The following APBA1 variants were observed in gnomAD, a reference collection of about 807,000 sequenced individuals.
APBA1 encodes the protein amyloid-beta A4 precursor protein-binding family A member 1.
APBA1 carries 55 observed loss-of-function variants against 86.6 expected under a neutral mutation model. The ratio of observed to expected loss-of-function variants is 0.64; its 90% CI spans 0.51 to 0.80. The LOEUF (loss-of-function observed/expected upper bound fraction) is 0.80, where lower values mean the gene tolerates loss of function less well. APBA1 is among the 30% of genes least tolerant of loss of function. The pLI is 0.00. For synonymous variants in APBA1, 511 were observed against 493.9 expected (o/e 1.03, Z -0.46); for missense variants, 1,090 against 1,183.0 (o/e 0.92, Z 1.15).
At chr9:69,495,015 G>C (rs1835773364) in intron 2 of APBA1, among the ~76,000 whole-genome samples, 1 of 152,126 alleles carries the variant, frequency 6.6e-6, no homozygotes, top group African/African-American at 2.4e-5. Context: ...ACTGCCCAAA[G>C]TGACTCATTT....
At chr9:69,433,322 C>A (rs1386803296) in intron 11 of APBA1, among the ~76,000 whole-genome samples, 1 of 152,262 alleles carries the variant, frequency 6.6e-6, no homozygotes, top group African/African-American at 2.4e-5. Context: ...TTACCTCACA[C>A]ACACTACAAC....
chr9:69,501,080 G>A (rs1835873366), intron 2 of APBA1, among the ~76,000 whole-genome samples: 1 of 151,994 alleles, frequency 6.6e-6, no homozygotes, highest in Non-Finnish European at 1.5e-5. Context: ...CCCACGGGTA[G>A]GGTCTGACCA....
chr9:69,597,432 G>A (rs535532059), intron 1 of APBA1, among the ~76,000 whole-genome samples: 75 of 152,134 alleles, frequency 4.9e-4, no homozygotes, highest in Non-Finnish European at 9.7e-4. Context: ...AGATGGGTAG[G>A]TTGCGAAAAT....
chr9:69,541,922 A>G (rs1045104355), intron 1 of APBA1, among the ~76,000 whole-genome samples: 6 of 152,088 alleles, frequency 3.9e-5, no homozygotes, highest in Non-Finnish European at 8.8e-5. Context: ...GTTTCAATTC[A>G]GCATGTGTTT....
chr9:69,435,330 A>C (rs1426669700), intron 11 of APBA1, among the ~76,000 whole-genome samples: 4 of 152,170 alleles, frequency 2.6e-5, no homozygotes, highest in Non-Finnish European at 5.9e-5. Flanking sequence ...TGGCTGGGTC[A>C]AATGGTATTT....
chr9:69,670,665 T>C (rs1316626611), intron 1 of APBA1, among the ~76,000 whole-genome samples: 1 of 152,130 alleles, frequency 6.6e-6, no homozygotes, highest in Non-Finnish European at 1.5e-5. Flanking sequence ...CACACCTATC[T>C]TTACCACGCA....
intron 1 of APBA1, among the ~76,000 whole-genome samples, chr9:69,619,663 G>T (rs530171213): frequency 1.6e-4 from 25 of 152,250 alleles, no homozygotes; most frequent in East Asian, 5.8e-4. Context: ...CTTGGATTGG[G>T]AAAAACAGAG....
chr9:69,647,857 A>G (rs1166112262), intron 1 of APBA1, among the ~76,000 whole-genome samples: 2 of 152,236 alleles, frequency 1.3e-5, no homozygotes, highest in Non-Finnish European at 2.9e-5. Flanking sequence ...TGAAACTGTG[A>G]TAAGTCCTTT....
intron 2 of APBA1, among the ~76,000 whole-genome samples, chr9:69,505,848 T>C (rs557103978): frequency 2.6e-5 from 4 of 151,506 alleles, no homozygotes; most frequent in African/African-American, 7.3e-5. Flanking sequence ...CAAAACCCCG[T>C]CTCTACTAAA....
At position 69,646,895 on chromosome 9, in the gene APBA1, T is replaced by C. The variant is rs555840145; in HGVS notation, c.-70+25258A>G. On this transcript the variant is annotated intron_variant, in intron 1 of 12. Coordinates refer to ENST00000265381, the MANE Select transcript of APBA1 (RefSeq NM_001163.4). Reference sequence around the variant, plus strand: ...GGAACTGTGATTAACACTATTTTCTTAGGCCTCTCAGTGCCCTCCATGAAT... The same window carrying C: ...GGAACTGTGATTAACACTATTTTCTCAGGCCTCTCAGTGCCCTCCATGAAT... 2.6e-5 allele frequency among the ~76,000 whole-genome samples: 4 copies of C among 152,262 alleles called. No homozygotes were observed. The East Asian group carries it at 5.8e-4, about 22-fold the overall frequency.
At chr9:69,602,682 A>G (rs1321053441) in intron 1 of APBA1, among the ~76,000 whole-genome samples, 1 of 152,128 alleles carries the variant, frequency 6.6e-6, no homozygotes, top group Admixed American at 6.5e-5. Flanking sequence ...CTGTCTCTAT[A>G]GCATTCTTCA....
intron 1 of APBA1, among the ~76,000 whole-genome samples, chr9:69,603,744 A>T (rs1822402258): frequency 6.6e-6 from 1 of 152,240 alleles, no homozygotes; most frequent in South Asian, 2.1e-4. Flanking sequence ...ATAATTTATC[A>T]TCCAAATGAA....
chr9:69,452,627 C>G (rs1318039134), intron 8 of APBA1, among the ~76,000 whole-genome samples: 1 of 152,250 alleles, frequency 6.6e-6, no homozygotes, highest in African/African-American at 2.4e-5. Context: ...ACCATCTTCA[C>G]AGATCCCTCT....
intron 1 of APBA1, among the ~76,000 whole-genome samples, chr9:69,670,243 A>G (rs1823921338): frequency 6.6e-6 from 1 of 152,212 alleles, no homozygotes; most frequent in South Asian, 2.1e-4. Context: ...GAAGAAAAAA[A>G]AGCATATGTG....
intron 1 of APBA1, among the ~76,000 whole-genome samples, chr9:69,607,780 G>A (rs1041878039): frequency 6.6e-6 from 1 of 152,208 alleles, no homozygotes; most frequent in South Asian, 2.1e-4. Flanking sequence ...TGTGGCTCCA[G>A]AGTCAGATTA....
At position 69,500,023 on chromosome 9, in the gene APBA1, G is replaced by A. The variant is rs114565200; in HGVS notation, c.1200+15988C>T. Among the ~76,000 whole-genome samples the A allele has an allele frequency of 8.0e-3, 1,219 of 152,144 alleles. 23 individuals are homozygous for A. The highest frequency in any genetic ancestry group is 0.028 in the African/African-American group (1,167 of 41,516). The stretch of plus-strand genomic sequence containing the variant: ...AAAGGTAAATGTTATCTGGAGGGGC[G>A]GTGCATGTTGCCATTATCACTAATT... On this transcript the variant is annotated intron_variant, in intron 2 of 12. Transcript: ENST00000265381.
At chr9:69,511,663 G>A (rs1836044019) in intron 2 of APBA1, among the ~76,000 whole-genome samples, 2 of 151,892 alleles carry the variant, frequency 1.3e-5, no homozygotes, top group South Asian at 4.2e-4. Context: ...GCAAAGACTT[G>A]GAACCAACCC....
chr9:69,615,001 C>A (rs191195245), intron 1 of APBA1, among the ~76,000 whole-genome samples: 45 of 152,272 alleles, frequency 3.0e-4, no homozygotes, highest in African/African-American at 1.0e-3. Flanking sequence ...GAATTCAAAA[C>A]CAGCCTGGCC....
In APBA1 at chr9:69,667,138, T is replaced by A. The variant is rs570459089; in HGVS notation, c.-70+5015A>T. Among the ~76,000 whole-genome samples, 6 of 152,310 alleles carry A rather than the reference T, an allele frequency of 3.9e-5. 1 individual carries two copies. The South Asian group carries it at 1.2e-3, about 32-fold the overall frequency. On this transcript the variant is annotated intron_variant, in intron 1 of 12. Coordinates refer to ENST00000265381, the MANE Select transcript of APBA1 (RefSeq NM_001163.4). ...TAAACTTCTTAAAATTTAGCTCAGA[T>A]CTCTGAGAGAGAATATTTACAGGAA...
Sources: gnomAD v4.1 joint callset for allele counts (sites outside exome capture counted in the v4.1 genomes callset) on GRCh38, gnomAD v4.1.1 for gene constraint, MANE v1.5 for transcripts, NCBI Gene and HGNC (gene_info 2026-07-23, HGNC 2026-07-21) for gene names.